CHAT: variants seen among roughly 807,000 people sequenced by gnomAD.
The protein encoded by CHAT is acetyl CoA:choline O-acetyltransferase.
In CHAT, 61 loss-of-function variants were observed where a neutral mutation model predicts 76.9. The observed-to-expected ratio is 0.79, with a 90% CI of 0.65 to 0.98. The LOEUF (loss-of-function observed/expected upper bound fraction) is 0.98, where lower values mean the gene tolerates loss of function less well. CHAT is among the 50% of genes least tolerant of loss of function. CHAT has a pLI of 0.00. For synonymous variants in CHAT, 407 were observed against 397.4 expected (o/e 1.02, Z -0.29); for missense variants, 946 against 986.9 (o/e 0.96, Z 0.56).
At chr10:49,623,166 T>C (rs1243067753) in intron 5 of CHAT, among the ~76,000 whole-genome samples, 1 of 152,182 alleles carries the variant, frequency 6.6e-6, no homozygotes, top group East Asian at 1.9e-4. Context: ...GTGGACAGCA[T>C]TCTATTTCCT....
chr10:49,612,663 T>C, upstream of CHAT: 3 of 327,804 alleles, frequency 9.2e-6, no homozygotes, highest in African/African-American at 2.1e-5. Context: ...AGTGCCAAAC[T>C]TGGGCCGCTG....
intron 7 of CHAT, among the ~76,000 whole-genome samples, chr10:49,640,243 C>T (rs1035301080): frequency 2.6e-5 from 4 of 152,128 alleles, no homozygotes; most frequent in Admixed American, 6.5e-5. Context: ...GTGATGTCGG[C>T]TCAATGCAGC....
At chr10:49,658,672 G>T (rs985832260) in intron 13 of CHAT, among the ~76,000 whole-genome samples, 2 of 152,178 alleles carry the variant, frequency 1.3e-5, no homozygotes, top group Non-Finnish European at 2.9e-5. Context: ...TTGCACCACT[G>T]CACTCCAGCC....
At chr10:49,648,641 C>A (rs1308260818) in intron 9 of CHAT, 34 bp downstream of exon 9, 1 of 1,485,648 alleles carries the variant, frequency 6.7e-7, no homozygotes, top group Admixed American at 1.7e-5. Context: ...CATGCTGGGC[C>A]CAAAAAAATG....
At chr10:49,642,955 C>T (rs1425184092) in intron 7 of CHAT, among the ~76,000 whole-genome samples, 1 of 152,226 alleles carries the variant, frequency 6.6e-6, no homozygotes, top group Non-Finnish European at 1.5e-5. Context: ...GCTGAAGTCA[C>T]ATGACTGAGC....
upstream of CHAT, chr10:49,610,738 G>A (rs1427399244): frequency 1.6e-5 from 24 of 1,511,690 alleles, no homozygotes; most frequent in East Asian, 2.4e-5. Flanking sequence ...TCGGGGTGGG[G>A]GCATGGAATC....
intron 11 of CHAT, 148 bp from the exon 12 acceptor site, chr10:49,654,947 C>T (rs2132829626): frequency 1.1e-6 from 1 of 911,066 alleles, no homozygotes; most frequent in South Asian, 1.4e-5. Context: ...GGAATTCCCT[C>T]TAGAATTCTA....
At chr10:49,623,921 A>T (rs938658509) in intron 5 of CHAT, among the ~76,000 whole-genome samples, 1 of 151,836 alleles carries the variant, frequency 6.6e-6, no homozygotes, top group Non-Finnish European at 1.5e-5. Flanking sequence ...CTCTGCCACA[A>T]CCTCCTTCCT....
chr10:49,661,571 T>C (rs1311600778), intron 13 of CHAT, among the ~76,000 whole-genome samples: 1 of 152,174 alleles, frequency 6.6e-6, no homozygotes, highest in East Asian at 1.9e-4. Context: ...CTTGTAAACC[T>C]ATACCAAGTT....
At position 49,614,133 on chromosome 10, in the gene CHAT, C is replaced by T. The variant is rs1838380500; in HGVS notation, c.-57C>T. On this transcript the variant is annotated 5_prime_UTR_variant, in exon 1 of 15. Transcript: ENST00000337653. The stretch of plus-strand genomic sequence containing the variant: ...TGCCCGAGTTCCTCCGGGAAGCGCT[C>T]CGGGTAGATTCTGGGGGCCGGGAGC... 6.5e-7 allele frequency: 1 copy of T among 1,543,826 alleles called. No homozygotes were observed. The highest frequency in any genetic ancestry group is 1.4e-5 in the African/African-American group (1 of 72,212).
intron 11 of CHAT, among the ~76,000 whole-genome samples, chr10:49,653,677 A>G (rs1839948935): frequency 6.6e-6 from 1 of 152,228 alleles, no homozygotes; most frequent in African/African-American, 2.4e-5. Context: ...AAGAGGCAGA[A>G]ACCTCACCAG....
intron 7 of CHAT, among the ~76,000 whole-genome samples, chr10:49,635,106 T>C (rs2132759899): frequency 6.6e-6 from 1 of 152,298 alleles, no homozygotes; most frequent in African/African-American, 2.4e-5. Context: ...CCTTCTTAAC[T>C]CCTGGGCAAC....
intron 7 of CHAT, among the ~76,000 whole-genome samples, chr10:49,631,346 T>G (rs1471558150): frequency 6.6e-6 from 1 of 152,224 alleles, no homozygotes; most frequent in Non-Finnish European, 1.5e-5. Flanking sequence ...CATGTGGTCT[T>G]GCCTCTGTGC....
chr10:49,662,114 C>A (rs1171172288), intron 13 of CHAT, among the ~76,000 whole-genome samples: 2 of 152,180 alleles, frequency 1.3e-5, no homozygotes, highest in South Asian at 4.1e-4. Flanking sequence ...ATCTCACACC[C>A]TCTATCCTCT....
rs764921945 is a variant in CHAT at position 49,649,591 on chromosome 10, C to T, written c.1466C>T (p.Pro489Leu). The part of the protein sequence containing the change: ...APRRLRWKCS[P>L]EIQGHLASSA... ...CGGAGGCTGCGGTGGAAATGCTCCC[C>T]GGAAATTCAAGGCCACTTAGCCTCC... The change falls in exon 10 of 15, where the codon CCG becomes CTG. Residue 489 changes from proline (P) to leucine (L), a missense_variant. Transcript: ENST00000337653. 1.5e-5 allele frequency: 25 copies of T among 1,613,752 alleles called. No individual in the cohort carries two copies. Among genetic ancestry groups the T allele is most frequent in the African/African-American group, 4.0e-5 (3 of 74,932 alleles).
chr10:49,646,733 A>G lies in CHAT; in HGVS notation c.1281+59A>G, dbSNP rs919604711. On this transcript the variant is annotated intron_variant, in intron 8 of 14. Coordinates refer to ENST00000337653, the MANE Select transcript of CHAT (RefSeq NM_020549.5). The stretch of plus-strand genomic sequence containing the variant: ...CCATGCCCCCAGCGAGAGAGTGAGT[A>G]GGCAAGCGGGCACAGCCTGGTGCCC... The G allele has an allele frequency of 1.3e-5, 21 of 1,584,638 alleles. No individual in the cohort carries two copies. In the African/African-American group the frequency reaches 2.2e-4, roughly 16 times the overall value.
At chr10:49,625,729 C>A in intron 6 of CHAT, 76 bp downstream of exon 6, 1 of 1,443,492 alleles carries the variant, frequency 6.9e-7, no homozygotes. Flanking sequence ...TTACCTTCTC[C>A]GAGGGGGCTC....
At chr10:49,622,286 C>A (rs982759832) in intron 5 of CHAT, 136 bp downstream of exon 5, 19 of 891,694 alleles carry the variant, frequency 2.1e-5, no homozygotes, top group Admixed American at 3.4e-5. Flanking sequence ...CCTGCCCCAA[C>A]CCACTCCCCC....
intron 5 of CHAT, among the ~76,000 whole-genome samples, chr10:49,624,881 A>G (rs1042473092): frequency 6.6e-6 from 1 of 151,606 alleles, no homozygotes; most frequent in African/African-American, 2.4e-5. Flanking sequence ...AGATGTGTGG[A>G]TGGTGGATAG....
Sources: allele counts gnomAD v4.1 joint callset (sites outside exome capture counted in the v4.1 genomes callset), GRCh38; gene constraint gnomAD v4.1.1; transcripts MANE v1.5; gene names NCBI Gene and HGNC (gene_info 2026-07-23, HGNC 2026-07-21).